The following MACROD2 variants were observed in gnomAD, a reference collection of about 807,000 sequenced individuals.
MACROD2 encodes the protein mono-ADP ribosylhydrolase 2.
Under a neutral mutation model 70.4 loss-of-function variants are expected in MACROD2, and 36 were observed. The observed-to-expected ratio is 0.51, with a 90% CI of 0.39 to 0.68. The LOEUF is 0.68. Ranked by LOEUF, MACROD2 falls within the 30% of genes least tolerant of loss-of-function variation. The pLI is 0.00. For missense variants in MACROD2, 496 were observed against 538.4 expected, an observed-to-expected ratio of 0.92 and a Z score of 0.78; for synonymous variants, 172 against 178.8, an observed-to-expected ratio of 0.96 and a Z score of 0.30.
intron 5 of MACROD2, among the ~76,000 whole-genome samples, chr20:15,210,049 C>T (rs1277045153): frequency 6.6e-6 from 1 of 152,174 alleles, no homozygotes; most frequent in Non-Finnish European, 1.5e-5. Context: ...TTCTGATGGA[C>T]TTGTGTCTTT....
intron 8 of MACROD2, among the ~76,000 whole-genome samples, chr20:15,579,903 A>G (rs2048500644): frequency 6.6e-6 from 1 of 152,230 alleles, no homozygotes. Flanking sequence ...CAAATCCTAC[A>G]GGAAAACACA....
chr20:14,205,582 A>G (rs1435587582), intron 3 of MACROD2, among the ~76,000 whole-genome samples: 1 of 152,054 alleles, frequency 6.6e-6, no homozygotes, highest in East Asian at 1.9e-4. Flanking sequence ...TATTTCCCTT[A>G]CTGTGCTTGT....
At chr20:15,836,056 G>T (rs1396783837) in intron 8 of MACROD2, among the ~76,000 whole-genome samples, 1 of 150,728 alleles carries the variant, frequency 6.6e-6, no homozygotes, top group Non-Finnish European at 1.5e-5. Flanking sequence ...TTCCACATGG[G>T]ACCCCAGGTC....
chr20:14,303,203 C>A (rs147792815), intron 3 of MACROD2, among the ~76,000 whole-genome samples: 23 of 152,074 alleles, frequency 1.5e-4, no homozygotes, highest in Admixed American at 3.3e-4. Flanking sequence ...CTTTGCTATG[C>A]GGCATTTTTT....
chr20:15,027,722 A>C (rs1223635865), intron 5 of MACROD2, among the ~76,000 whole-genome samples: 1 of 151,810 alleles, frequency 6.6e-6, no homozygotes, highest in Non-Finnish European at 1.5e-5. Context: ...AAAAAAAAAA[A>C]AATGAAAAAA....
At chr20:15,674,202 A>C (rs1325465420) in intron 8 of MACROD2, among the ~76,000 whole-genome samples, 1 of 152,188 alleles carries the variant, frequency 6.6e-6, no homozygotes, top group Admixed American at 6.5e-5. Flanking sequence ...AAAATATGGT[A>C]AGACCATAGT....
chr20:15,423,074 A>G (rs2046251254), intron 6 of MACROD2, among the ~76,000 whole-genome samples: 1 of 138,254 alleles, frequency 7.2e-6, no homozygotes, highest in Non-Finnish European at 1.6e-5. Flanking sequence ...GTTATGATAG[A>G]TTATAATAAC....
intron 5 of MACROD2, among the ~76,000 whole-genome samples, chr20:14,689,895 G>A (rs989152862): frequency 1.1e-4 from 16 of 152,162 alleles, no homozygotes; most frequent in African/African-American, 3.9e-4. Context: ...GTTATTGAAA[G>A]TGTCAAACCT....
At chr20:15,547,702 G>T (rs974593478) in intron 8 of MACROD2, among the ~76,000 whole-genome samples, 1 of 152,146 alleles carries the variant, frequency 6.6e-6, no homozygotes, top group Non-Finnish European at 1.5e-5. Context: ...CAAATTTTTT[G>T]ATTCCCATTT....
At chr20:14,061,916 A>C (rs1199544683) in intron 2 of MACROD2, among the ~76,000 whole-genome samples, 1 of 152,132 alleles carries the variant, frequency 6.6e-6, no homozygotes, top group African/African-American at 2.4e-5. Flanking sequence ...TCCAACTTTA[A>C]TGTGTTTAAG....
intron 5 of MACROD2, among the ~76,000 whole-genome samples, chr20:14,825,530 G>A (rs559984831): frequency 1.1e-4 from 17 of 152,018 alleles, no homozygotes; most frequent in Non-Finnish European, 2.2e-4. Context: ...AAAAATATAG[G>A]TCATGCACAT....
In MACROD2 at chr20:14,773,054, T is replaced by A. The variant is rs1478707659; in HGVS notation, c.418+88095T>A. 3.3e-5 allele frequency among the ~76,000 whole-genome samples: 5 copies of A among 151,914 alleles called. 1 individual carries two copies. Among genetic ancestry groups the A allele is most frequent in the Admixed American group, 2.6e-4 (4 of 15,242 alleles). On this transcript the variant is annotated intron_variant, in intron 5 of 17. Coordinates refer to ENST00000684519, the MANE Select transcript of MACROD2 (RefSeq NM_001351661.2). ...CATCACACCCACATTCAAGGTAGGA[T>A]GAAAGAAATCACATTTATCAGGACA...
chr20:14,031,979 C>G (rs1422558489), intron 2 of MACROD2, among the ~76,000 whole-genome samples: 1 of 152,028 alleles, frequency 6.6e-6, no homozygotes, highest in Admixed American at 6.6e-5. Flanking sequence ...GACAGTCTGG[C>G]ATTAAGATCT....
At chr20:14,051,511 G>C (rs774635996) in intron 2 of MACROD2, among the ~76,000 whole-genome samples, 1 of 152,012 alleles carries the variant, frequency 6.6e-6, no homozygotes, top group Non-Finnish European at 1.5e-5. Context: ...TGGGGGTGAG[G>C]GTGTGACTGA....
At chr20:15,646,602 A>G (rs890214998) in intron 8 of MACROD2, among the ~76,000 whole-genome samples, 1 of 152,210 alleles carries the variant, frequency 6.6e-6, no homozygotes, top group Non-Finnish European at 1.5e-5. Context: ...CATAATCCAT[A>G]TAGTCCGCAC....
At chr20:15,894,046 A>C (rs986966768) in intron 10 of MACROD2, 7 of 414,280 alleles carry the variant, frequency 1.7e-5, no homozygotes, top group African/African-American at 1.4e-4. Context: ...TTTGGCAAGA[A>C]AGTGGCCGGC....
At chr20:15,679,566 A>G (rs1182117713) in intron 8 of MACROD2, among the ~76,000 whole-genome samples, 1 of 152,182 alleles carries the variant, frequency 6.6e-6, no homozygotes, top group Non-Finnish European at 1.5e-5. Context: ...CAGGTTCTGG[A>G]GCTCAGCCTT....
chr20:15,033,702 C>A (rs1196413463), intron 5 of MACROD2, among the ~76,000 whole-genome samples: 1 of 152,186 alleles, frequency 6.6e-6, no homozygotes, highest in Non-Finnish European at 1.5e-5. Flanking sequence ...TCAGAATCAT[C>A]ATTCATCATT....
chr20:16,019,815 C>A (rs528904214), intron 15 of MACROD2, among the ~76,000 whole-genome samples: 39 of 152,296 alleles, frequency 2.6e-4, no homozygotes, highest in Non-Finnish European at 5.0e-4. Flanking sequence ...TTTAACAACT[C>A]CTGCCCAAGG....
Sources: gnomAD v4.1 joint callset for allele counts (sites outside exome capture counted in the v4.1 genomes callset) on GRCh38, gnomAD v4.1.1 for gene constraint, MANE v1.5 for transcripts, NCBI Gene and HGNC (gene_info 2026-07-23, HGNC 2026-07-21) for gene names.